FAM227B: variants seen among roughly 807,000 people sequenced by gnomAD.
FAM227B encodes the protein family with sequence similarity 227 member B.
A neutral mutation model predicts 73.8 loss-of-function variants in FAM227B; 88 were observed. That is an observed-to-expected ratio of 1.19 (90% CI 1.00 to 1.42). The LOEUF (loss-of-function observed/expected upper bound fraction) is 1.42. Among genes scored for constraint, FAM227B ranks in the 40% most tolerant of loss-of-function variants. The probability of loss-of-function intolerance (pLI) is 0.00; values close to 1 mark genes in which losing one functional copy is unlikely to be tolerated. For synonymous variants in FAM227B, 210 were observed against 190.5 expected (o/e 1.10, Z -0.84); for missense variants, 632 against 590.9 (o/e 1.07, Z -0.72).
intron 11 of FAM227B, among the ~76,000 whole-genome samples, chr15:49,501,867 G>A (rs2058165394): frequency 6.6e-6 from 1 of 152,240 alleles, no homozygotes; most frequent in South Asian, 2.1e-4. Flanking sequence ...GGGACCTGCT[G>A]TCCTGCACAG....
chr15:49,429,919 A>G (rs2050447212), intron 11 of FAM227B, among the ~76,000 whole-genome samples: 1 of 151,964 alleles, frequency 6.6e-6, no homozygotes, highest in African/African-American at 2.4e-5. Context: ...CTAAGGTTGC[A>G]AACCACTGCT....
chr15:49,360,505 T>G (rs924149318), intron 13 of FAM227B, among the ~76,000 whole-genome samples: 1 of 152,190 alleles, frequency 6.6e-6, no homozygotes, highest in Non-Finnish European at 1.5e-5. Flanking sequence ...AATTATTAAA[T>G]TTTTGGGTAT....
At chr15:49,484,828 A>G (rs2056272309) in intron 11 of FAM227B, 1 of 182,246 alleles carries the variant, frequency 5.5e-6, no homozygotes, top group Admixed American at 6.1e-5. Context: ...GTTAGATTTG[A>G]TTATCTGATA....
intron 10 of FAM227B, among the ~76,000 whole-genome samples, chr15:49,523,303 G>A (rs1422867074): frequency 6.6e-6 from 1 of 152,120 alleles, no homozygotes; most frequent in African/African-American, 2.4e-5. Context: ...GAATCATGAT[G>A]GTAGGTTTTT....
intron 12 of FAM227B, among the ~76,000 whole-genome samples, chr15:49,368,983 T>A (rs2045589023): frequency 6.6e-6 from 1 of 152,170 alleles, no homozygotes; most frequent in African/African-American, 2.4e-5. Flanking sequence ...TTGTTTTTAT[T>A]TTTTTGAGAC....
In FAM227B at chr15:49,389,559, C is replaced by A. The variant is rs538722606; in HGVS notation, c.1013-18160G>T. Among the ~76,000 whole-genome samples the A allele has an allele frequency of 5.3e-5, 8 of 151,252 alleles. No homozygotes were observed. The East Asian group carries it at 1.5e-3, about 29-fold the overall frequency. ...ATGTATGCTACTTGGGTGATGGGTG[C>A]ACTAAAATCTCAGAATTCAGCACTA... On this transcript the variant is annotated intron_variant, in intron 11 of 15. Coordinates refer to ENST00000299338, the MANE Select transcript of FAM227B (RefSeq NM_152647.3).
intron 11 of FAM227B, among the ~76,000 whole-genome samples, chr15:49,393,876 A>G (rs2047385263): frequency 6.6e-6 from 1 of 152,204 alleles, no homozygotes; most frequent in African/African-American, 2.4e-5. Flanking sequence ...GTAAAACATA[A>G]TCTAAGAACC....
chr15:49,424,865 A>G, intron 11 of FAM227B: 1 of 215,250 alleles, frequency 4.6e-6, no homozygotes, highest in East Asian at 9.5e-5. Flanking sequence ...AATGTAAATA[A>G]TATTATTCAC....
At chr15:49,369,933 T>C (rs528020087) in intron 12 of FAM227B, among the ~76,000 whole-genome samples, 2 of 152,290 alleles carry the variant, frequency 1.3e-5, no homozygotes, top group South Asian at 4.1e-4. Flanking sequence ...GAGCTCTTCA[T>C]AATTAGGTTT....
intron 11 of FAM227B, chr15:49,483,026 G>A (rs1180790705): frequency 1.2e-5 from 8 of 688,260 alleles, no homozygotes; most frequent in Non-Finnish European, 2.1e-5. Flanking sequence ...CTTGGGCTGA[G>A]TAAATAATCA....
chr15:49,512,795 CCT>C lies in FAM227B; in HGVS notation c.875-4449_875-4448del, dbSNP rs565283669. Among the ~76,000 whole-genome samples the C allele has an allele frequency of 8.7e-3, 1,320 of 152,132 alleles. 17 individuals carry two copies. Among genetic ancestry groups the C allele is most frequent in the Non-Finnish European group, 0.01 (695 of 67,994 alleles). ...GGCCCTGGTGTGTGTTTTTCTCCTC[CCT>C]GTGTCCACGTGTTCTCATTGTTCAA... is the stretch of plus-strand genomic sequence containing the variant. On this transcript the variant is annotated intron_variant, in intron 10 of 15. Transcript: ENST00000299338.
chr15:49,328,991 T>G (rs2038054554), intron 15 of FAM227B: 3 of 1,038,062 alleles, frequency 2.9e-6, no homozygotes, highest in Non-Finnish European at 3.5e-6. Context: ...GATAATTCAG[T>G]TTGTTCATAG....
chr15:49,363,258 T>C (rs527353543), intron 13 of FAM227B, among the ~76,000 whole-genome samples: 1 of 152,250 alleles, frequency 6.6e-6, no homozygotes, highest in Non-Finnish European at 1.5e-5. Context: ...TCCACAATCA[T>C]TGAATGTTCT....
intron 11 of FAM227B, among the ~76,000 whole-genome samples, chr15:49,480,832 G>A (rs1033937074): frequency 6.6e-5 from 10 of 152,098 alleles, no homozygotes; most frequent in Non-Finnish European, 1.3e-4. Flanking sequence ...AGACAGGCAG[G>A]GGATAGAGGA....
intron 13 of FAM227B, among the ~76,000 whole-genome samples, chr15:49,339,075 T>TAAC (rs1466404603): frequency 2.0e-5 from 3 of 152,198 alleles, no homozygotes; most frequent in Non-Finnish European, 4.4e-5. Flanking sequence ...GGTCAGAACA[T>TAAC]AACTCCTTTA....
At chr15:49,460,254 G>C (rs1378590792) in intron 11 of FAM227B, among the ~76,000 whole-genome samples, 2 of 152,120 alleles carry the variant, frequency 1.3e-5, no homozygotes, top group Non-Finnish European at 1.5e-5. Flanking sequence ...CTAGAAGTAG[G>C]TAAGCTGCAC....
At chr15:49,600,664 A>T (rs1440561028) in intron 3 of FAM227B, among the ~76,000 whole-genome samples, 1 of 120,926 alleles carries the variant, frequency 8.3e-6, no homozygotes, top group African/African-American at 2.6e-5. Flanking sequence ...CAAAAAAAAA[A>T]AAAAAATCCA....
chr15:49,337,335 G>A (rs922875118), intron 13 of FAM227B, among the ~76,000 whole-genome samples: 1 of 151,956 alleles, frequency 6.6e-6, no homozygotes, highest in African/African-American at 2.4e-5. Context: ...CCTTTTCTCT[G>A]CAGCCCCATC....
chr15:49,376,346 C>T (rs1026002604), intron 11 of FAM227B, among the ~76,000 whole-genome samples: 1 of 151,892 alleles, frequency 6.6e-6, no homozygotes, highest in African/African-American at 2.4e-5. Context: ...TAGGTGAATA[C>T]CCCAGTTGTC....
Sources: gnomAD v4.1 joint callset for allele counts (sites outside exome capture counted in the v4.1 genomes callset) on GRCh38, gnomAD v4.1.1 for gene constraint, MANE v1.5 for transcripts, NCBI Gene and HGNC (gene_info 2026-07-23, HGNC 2026-07-21) for gene names.